The following GALNTL5 variants were observed in gnomAD, a reference collection of about 807,000 sequenced individuals.
The protein encoded by GALNTL5 is polypeptide N-acetylgalactosaminyltransferase like 5.
A neutral mutation model predicts 51.0 loss-of-function variants in GALNTL5; 44 were observed. That is an observed-to-expected ratio of 0.86 (90% confidence interval 0.68 to 1.11). The LOEUF is 1.11. Ranked by LOEUF, GALNTL5 falls within the 50% of genes least tolerant of loss-of-function variation. GALNTL5 has a pLI of 0.00. For synonymous variants in GALNTL5, 192 were observed against 182.8 expected (o/e 1.05, Z -0.41); for missense variants, 528 against 531.8 (o/e 0.99, Z 0.07).
chr7:151,998,738 C>T (rs936508643), intron 5 of GALNTL5, among the ~76,000 whole-genome samples: 2 of 146,766 alleles, frequency 1.4e-5, no homozygotes, highest in Admixed American at 6.9e-5. Flanking sequence ...TGCTACTGCA[C>T]TCCAGCCTGG....
Position 152,019,689 on chromosome 7 carries a change from A to G in GALNTL5, c.1220A>G (p.Tyr407Cys). The G allele has an allele frequency of 6.2e-7, 1 of 1,612,924 alleles. No individual in the cohort carries two copies. Among genetic ancestry groups the G allele is most frequent in the Non-Finnish European group, 8.5e-7 (1 of 1,179,044 alleles). The change falls in exon 9 of 9, where the codon TAC becomes TGC. Residue 407 changes from tyrosine (Y) to cysteine (C), a missense_variant. Coordinates refer to ENST00000392800, the MANE Select transcript of GALNTL5 (RefSeq NM_145292.4). Reference sequence around the variant, plus strand: ...AAGCCTGGTCTGAAATATGTCACCTACGGAAATATTCGCGAGCGTGTTGAG... The same window carrying G: ...AAGCCTGGTCTGAAATATGTCACCTGCGGAAATATTCGCGAGCGTGTTGAG... Reference protein sequence around the residue: ...LRKPGLKYVTYGNIRERVELR... With the variant: ...LRKPGLKYVTCGNIRERVELR...
intron 7 of GALNTL5, among the ~76,000 whole-genome samples, chr7:152,012,313 G>T (rs529593301): frequency 6.6e-6 from 1 of 152,172 alleles, no homozygotes; most frequent in Non-Finnish European, 1.5e-5. Context: ...GTGGATGGAG[G>T]TCTTATTTAC....
chr7:151,980,265 A>G (rs1586820618), intron 3 of GALNTL5, among the ~76,000 whole-genome samples: 1 of 151,942 alleles, frequency 6.6e-6, no homozygotes, highest in Non-Finnish European at 1.5e-5. Context: ...TGTATTTTTA[A>G]TAGAGAAGGG....
At chr7:151,979,614 C>A (rs1210330350) in intron 3 of GALNTL5, among the ~76,000 whole-genome samples, 1 of 151,820 alleles carries the variant, frequency 6.6e-6, no homozygotes, top group Non-Finnish European at 1.5e-5. Context: ...CACCCGCCAC[C>A]ACGGCTAATT....
At chr7:151,964,500 G>A (rs910213539) in intron 1 of GALNTL5, among the ~76,000 whole-genome samples, 3 of 152,060 alleles carry the variant, frequency 2.0e-5, no homozygotes, top group Non-Finnish European at 2.9e-5. Flanking sequence ...TCTATCAGGG[G>A]GAATTTCCCT....
chr7:151,957,294 A>G (rs2080937440), intron 1 of GALNTL5, among the ~76,000 whole-genome samples: 1 of 151,690 alleles, frequency 6.6e-6, no homozygotes, highest in African/African-American at 2.4e-5. Context: ...CTGTAATCCC[A>G]GCACTTTTGG....
Position 151,967,330 on chromosome 7 carries a change from C to T in GALNTL5, c.84C>T (p.His28=). 1.2e-6 allele frequency: 2 copies of T among 1,614,086 alleles called. No homozygotes were observed. Among genetic ancestry groups the T allele is most frequent in the Non-Finnish European group, 1.7e-6 (2 of 1,180,000 alleles). Residue 28 remains histidine, a synonymous_variant, in exon 2 of 9, where the codon CAC becomes CAT. Transcript: ENST00000392800. ...IWTALLFIYL[H]HNHVSSWQKK... The stretch of plus-strand genomic sequence containing the variant: ...CAGCTCTGTTATTCATATATTTGCA[C>T]CATAATCATGTGAGCAGCTGGCAGA...
At chr7:151,987,992 G>T (rs1425868623) in intron 5 of GALNTL5, among the ~76,000 whole-genome samples, 1 of 152,226 alleles carries the variant, frequency 6.6e-6, no homozygotes, top group Non-Finnish European at 1.5e-5. Context: ...ACCTTGACAT[G>T]AGCTTCAGTA....
chr7:152,013,313 C>T (rs1212474524), intron 7 of GALNTL5, among the ~76,000 whole-genome samples: 2 of 151,518 alleles, frequency 1.3e-5, no homozygotes, highest in South Asian at 2.1e-4. Context: ...CCATGTAACA[C>T]GCCTGCACAT....
intron 3 of GALNTL5, among the ~76,000 whole-genome samples, chr7:151,973,731 T>A (rs1338800399): frequency 6.6e-6 from 1 of 152,208 alleles, no homozygotes; most frequent in Non-Finnish European, 1.5e-5. Context: ...TTCGGGTGAC[T>A]GTTGGGAAGG....
intron 1 of GALNTL5, among the ~76,000 whole-genome samples, chr7:151,965,491 A>C (rs939349411): frequency 5.3e-5 from 8 of 152,198 alleles, no homozygotes; most frequent in Non-Finnish European, 8.8e-5. Context: ...TATAGAGAAA[A>C]ATATCATGAG....
intron 5 of GALNTL5, among the ~76,000 whole-genome samples, chr7:152,000,182 C>T (rs1022068075): frequency 6.6e-6 from 1 of 152,186 alleles, no homozygotes; most frequent in Non-Finnish European, 1.5e-5. Flanking sequence ...AGATTAGTAG[C>T]TGTATTTATG....
At chr7:151,975,493 T>G (rs534718149) in intron 3 of GALNTL5, among the ~76,000 whole-genome samples, 1 of 152,064 alleles carries the variant, frequency 6.6e-6, no homozygotes, top group African/African-American at 2.4e-5. Flanking sequence ...TCAAATTTGC[T>G]TATCCTTTTA....
At chr7:151,988,715 CTTT>C (rs3037136) in intron 5 of GALNTL5, among the ~76,000 whole-genome samples, 1 of 143,232 alleles carries the variant, frequency 7.0e-6, no homozygotes. Flanking sequence ...ATTTATTTTA[CTTT>C]TTTTTTTTTT....
rs758412542 is a variant in GALNTL5 at position 152,002,829 on chromosome 7, C to A, written c.774C>A (p.Val258=). ...PKMVVCPLID[V]IDDRTLEYKP... is the part of the protein sequence containing the mutation. ...TGGTGGTGTGCCCCCTGATAGATGT[C>A]ATTGATGATAGAACTCTGGAGTATA... Residue 258 remains valine, a synonymous_variant, in exon 6 of 9, where the codon GTC becomes GTA. Transcript: ENST00000392800. The A allele has an allele frequency of 6.2e-7, 1 of 1,614,130 alleles. No homozygotes were observed. The highest frequency in any genetic ancestry group is 8.5e-7 in the Non-Finnish European group (1 of 1,180,024).
chr7:152,004,964 A>G (rs868274141), intron 6 of GALNTL5, among the ~76,000 whole-genome samples: 1 of 152,176 alleles, frequency 6.6e-6, no homozygotes, highest in Non-Finnish European at 1.5e-5. Context: ...CTTTAGGAAG[A>G]TACCCAATAG....
chr7:152,018,635 T>C (rs2081849501), intron 8 of GALNTL5, among the ~76,000 whole-genome samples: 1 of 152,130 alleles, frequency 6.6e-6, no homozygotes, highest in South Asian at 2.1e-4. Context: ...TAGTGACTGA[T>C]TGGGACAAGA....
chr7:151,989,159 T>TC (rs202174452), intron 5 of GALNTL5, among the ~76,000 whole-genome samples: 18 of 143,796 alleles, frequency 1.3e-4, no homozygotes, highest in Non-Finnish European at 2.4e-4. Context: ...ATTTTTTCTC[T>TC]TTTTTTTTTT....
intron 1 of GALNTL5, among the ~76,000 whole-genome samples, chr7:151,966,747 C>T (rs1001972769): frequency 4.6e-5 from 7 of 152,180 alleles, no homozygotes; most frequent in African/African-American, 1.7e-4. Flanking sequence ...ATTGCCAAAA[C>T]GATTGTGCCA....
Sources: allele counts gnomAD v4.1 joint callset (sites outside exome capture counted in the v4.1 genomes callset), GRCh38; gene constraint gnomAD v4.1.1; transcripts MANE v1.5; gene names NCBI Gene and HGNC (gene_info 2026-07-23, HGNC 2026-07-21).